Variants in DOCK5 observed in about 807,000 individuals in gnomAD.
DOCK5 encodes dedicator of cytokinesis protein 5.
Under a neutral mutation model 251.8 loss-of-function variants are expected in DOCK5, and 142 were observed. The observed-to-expected ratio is 0.56, with a 90% confidence interval of 0.49 to 0.65. The LOEUF (loss-of-function observed/expected upper bound fraction) is 0.65. Ranked by LOEUF, DOCK5 falls within the 30% of genes least tolerant of loss-of-function variation. The pLI, the probability that DOCK5 is intolerant of heterozygous loss-of-function variation, is 0.00. For synonymous variants in DOCK5, 842 were observed against 835.5 expected, an observed-to-expected ratio of 1.01 and a Z score of -0.13; for missense variants, 2,111 against 2,312.3, an observed-to-expected ratio of 0.91 and a Z score of 1.79.
intron 2 of DOCK5, among the ~76,000 whole-genome samples, chr8:25,249,427 C>T (rs1276408875): frequency 6.6e-6 from 1 of 152,136 alleles, no homozygotes; most frequent in Non-Finnish European, 1.5e-5. Context: ...GGGCAAATAT[C>T]ATCACTATCT....
At chr8:25,382,884 G>C in intron 40 of DOCK5, 106 bp downstream of exon 40, 2 of 906,984 alleles carry the variant, frequency 2.2e-6, no homozygotes, top group South Asian at 1.7e-5. Flanking sequence ...CCGTGTTCTC[G>C]CTGTGGGAGG....
At chr8:25,302,921 G>A (rs953614197) in intron 10 of DOCK5, among the ~76,000 whole-genome samples, 1 of 152,328 alleles carries the variant, frequency 6.6e-6, no homozygotes, top group Non-Finnish European at 1.5e-5. Flanking sequence ...GGGGAATGGG[G>A]AGTTAGTGTT....
intron 2 of DOCK5, among the ~76,000 whole-genome samples, chr8:25,256,959 T>C (rs1463631975): frequency 6.6e-6 from 1 of 152,086 alleles, no homozygotes; most frequent in Non-Finnish European, 1.5e-5. Flanking sequence ...AGGGAAGTTA[T>C]GCTGGAAAAT....
chr8:25,333,167 A>C (rs1368688373), intron 20 of DOCK5, among the ~76,000 whole-genome samples: 2 of 152,222 alleles, frequency 1.3e-5, no homozygotes, highest in Non-Finnish European at 2.9e-5. Flanking sequence ...AATTGAAATC[A>C]GATCAGGGAT....
intron 1 of DOCK5, among the ~76,000 whole-genome samples, chr8:25,196,813 A>G (rs544837724): frequency 1.3e-5 from 2 of 152,330 alleles, no homozygotes; most frequent in Admixed American, 6.5e-5. Context: ...TTTCAAAAGA[A>G]TTAAAAAAAA....
intron 2 of DOCK5, among the ~76,000 whole-genome samples, chr8:25,250,773 A>G (rs1803247761): frequency 6.6e-6 from 1 of 152,212 alleles, no homozygotes; most frequent in Non-Finnish European, 1.5e-5. Context: ...TACAAATGCT[A>G]TGGGGAGAAG....
At chr8:25,336,040 G>C (rs2468898) in intron 21 of DOCK5, among the ~76,000 whole-genome samples, 199 bp from the exon 22 acceptor site, 108,148 of 152,082 alleles carry the variant, frequency 0.71, 40,421 homozygotes, top group Middle Eastern at 0.84. Flanking sequence ...CTCAGCAGAA[G>C]GTAGTTCCAA....
rs62502357 is a variant in DOCK5, at chr8:25,408,072, G to A, written c.5183G>A (p.Arg1728Gln). 17 of 1,606,292 alleles carry A rather than the reference G, an allele frequency of 1.1e-5. No homozygotes were observed. The highest frequency in any genetic ancestry group is 3.4e-5 in the South Asian group (3 of 89,440). Residue 1728 changes from arginine (R) to glutamine (Q), a missense_variant, in exon 49 of 52, where the codon CGG (arginine) becomes CAG (glutamine). Arg to Gln is a conservative substitution (Grantham distance 43). Transcript: ENST00000276440. ...LSLREENSENRISKFKRKDWS... is the reference protein window; with the variant it reads ...LSLREENSENQISKFKRKDWS... ...CTTAGAGAGGAGAACAGCGAGAACC[G>A]GATCAGCAAGTTTAAGAGAAAAGAC...
chr8:25,222,191 A>G (rs1000090895), intron 1 of DOCK5, among the ~76,000 whole-genome samples: 5 of 152,174 alleles, frequency 3.3e-5, no homozygotes, highest in African/African-American at 7.2e-5. Context: ...AGGTCCTGGC[A>G]TATGATTAAT....
chr8:25,378,296 A>G (rs1022328427), intron 38 of DOCK5, among the ~76,000 whole-genome samples: 2 of 152,154 alleles, frequency 1.3e-5, no homozygotes, highest in Non-Finnish European at 2.9e-5. Context: ...AGACACTCTT[A>G]TTATTTGAGA....
chr8:25,369,731 A>G, intron 34 of DOCK5, 90 bp downstream of exon 34: 1 of 1,159,694 alleles, frequency 8.6e-7, no homozygotes, highest in Non-Finnish European at 1.2e-6. Context: ...AGAGCAATTG[A>G]GTAGTCTCAG....
At chr8:25,334,068 T>C in intron 20 of DOCK5, 28 bp from the exon 21 acceptor site, 1 of 1,554,148 alleles carries the variant, frequency 6.4e-7, no homozygotes, top group Non-Finnish European at 8.9e-7. Context: ...TGTGCAGTGC[T>C]GCTATTTCTA....
Position 25,392,854 on chromosome 8 carries a change from A to G in DOCK5, c.4499A>G (p.Lys1500Arg). Reference sequence around the variant, plus strand: ...GCATATACCTTTCCTGGGATTCTCAAGTGGTTTGAAGTCAAACAGATTTCA... The same window carrying G: ...GCATATACCTTTCCTGGGATTCTCAGGTGGTTTGAAGTCAAACAGATTTCA... ...TTAYTFPGIL[K>R]WFEVKQISTE... Residue 1500 changes from lysine (K) to arginine (R), a missense_variant, in exon 44 of 52, where the codon AAG becomes AGG. Lys to Arg is a conservative substitution (Grantham distance 26, BLOSUM62 2). Around this residue, in one of 3 missense-constraint regions of DOCK5, gnomAD observed 1,717 missense variants for 1,892.4 expected, o/e 0.91. Coordinates refer to ENST00000276440, the MANE Select transcript of DOCK5 (RefSeq NM_024940.8). 3.1e-6 allele frequency: 5 copies of G among 1,612,738 alleles called. No individual in the cohort carries two copies. The highest frequency in any genetic ancestry group is 4.2e-6 in the Non-Finnish European group (5 of 1,179,394).
intron 26 of DOCK5, among the ~76,000 whole-genome samples, chr8:25,348,082 C>G (rs1800402263): frequency 6.6e-6 from 1 of 152,156 alleles, no homozygotes; most frequent in South Asian, 2.1e-4. Flanking sequence ...ATGATGGTAC[C>G]TTTTTTTCTT....
At chr8:25,220,150 G>C (rs1023018643) in intron 1 of DOCK5, among the ~76,000 whole-genome samples, 15 of 151,646 alleles carry the variant, frequency 9.9e-5, no homozygotes, top group Non-Finnish European at 1.9e-4. Context: ...TTTTCTGCCA[G>C]GTTTTGTTTT....
rs1382523219 is a variant in DOCK5 at position 25,278,623 on chromosome 8, C to T, written c.279C>T (p.Ser93=). 2.5e-6 allele frequency: 4 copies of T among 1,613,828 alleles called. No homozygotes were observed. The highest frequency in any genetic ancestry group is 2.2e-5 in the South Asian group (2 of 91,086). Reference sequence around the variant, plus strand: ...TCCCCCTGGTGCAGGAGCTCACGTCCACTCTGCGAGAATGGGCTGTCATCT... The same window carrying T: ...TCCCCCTGGTGCAGGAGCTCACGTCTACTCTGCGAGAATGGGCTGTCATCT... ...GELPLVQELT[S]TLREWAVIWR... The change falls in exon 5 of 52, where the codon TCC becomes TCT. Residue 93 remains serine (S), a synonymous_variant. Transcript: ENST00000276440.
At chr8:25,255,238 A>G (rs964234237) in intron 2 of DOCK5, among the ~76,000 whole-genome samples, 1 of 152,230 alleles carries the variant, frequency 6.6e-6, no homozygotes. Flanking sequence ...TTACACCCAC[A>G]CAAAAGCATG....
At chr8:25,308,396 C>T (rs935069677) in intron 11 of DOCK5, among the ~76,000 whole-genome samples, 26 of 152,022 alleles carry the variant, frequency 1.7e-4, no homozygotes, top group African/African-American at 6.3e-4. Flanking sequence ...CCAAAGGGAG[C>T]CTCTTGCAGA....
At chr8:25,250,480 T>C (rs1200841259) in intron 2 of DOCK5, among the ~76,000 whole-genome samples, 1 of 152,176 alleles carries the variant, frequency 6.6e-6, no homozygotes, top group East Asian at 1.9e-4. Context: ...GGCAGCGAGG[T>C]AGCTGTTTAT....
Sources: gnomAD v4.1 joint callset for allele counts (sites outside exome capture counted in the v4.1 genomes callset) on GRCh38, gnomAD v4.1.1 for gene constraint, gnomAD v4.1.1 regional missense constraint, MANE v1.5 for transcripts, NCBI Gene and HGNC (gene_info 2026-07-23, HGNC 2026-07-21) for gene names.